KANSL1: variants seen among roughly 807,000 people sequenced by gnomAD.
KANSL1 encodes MLL1/MLL complex subunit KANSL1.
KANSL1 carries 22 observed loss-of-function variants against 103.6 expected under a neutral mutation model. That is an observed-to-expected ratio of 0.21 (90% CI 0.15 to 0.30). KANSL1 has a LOEUF of 0.30. KANSL1 is among the 10% of genes least tolerant of loss of function. The pLI, the probability that KANSL1 is intolerant of heterozygous loss-of-function variation, is 1.00. For synonymous variants in KANSL1, 600 were observed against 527.6 expected, an observed-to-expected ratio of 1.14 and a Z score of -1.88; for missense variants, 1,337 against 1,399.8, an observed-to-expected ratio of 0.96 and a Z score of 0.72.
intron 6 of KANSL1, among the ~76,000 whole-genome samples, chr17:46,060,497 G>A (rs1216273048): frequency 6.6e-6 from 1 of 152,182 alleles, no homozygotes; most frequent in African/African-American, 2.4e-5. Flanking sequence ...TCCAAGCACA[G>A]AGTGATTTCT....
At chr17:46,213,977 C>G (rs1015235697) in intron 1 of KANSL1, among the ~76,000 whole-genome samples, 2 of 152,068 alleles carry the variant, frequency 1.3e-5, no homozygotes, top group Non-Finnish European at 2.9e-5. Flanking sequence ...AATCAATTCC[C>G]TGCCAAATAT....
chr17:46,216,309 T>G (rs1467849537), intron 1 of KANSL1, among the ~76,000 whole-genome samples: 1 of 152,098 alleles, frequency 6.6e-6, no homozygotes, highest in Non-Finnish European at 1.5e-5. Context: ...GAAAAAAGTC[T>G]GCAAAGAAAA....
chr17:46,089,690 T>TA (rs143794916), intron 3 of KANSL1, among the ~76,000 whole-genome samples: 220 of 147,260 alleles, frequency 1.5e-3, no homozygotes, highest in Non-Finnish European at 2.0e-3. Flanking sequence ...TTTCAGTAAC[T>TA]AAAAAAAAAA....
chr17:46,207,127 TAG>T (rs1280345175), intron 1 of KANSL1, among the ~76,000 whole-genome samples: 1 of 152,022 alleles, frequency 6.6e-6, no homozygotes, highest in Non-Finnish European at 1.5e-5. Context: ...AAAAAACAAT[TAG>T]CCAGGCATGG....
intron 1 of KANSL1, among the ~76,000 whole-genome samples, chr17:46,190,569 C>A (rs2047267348): frequency 6.6e-6 from 1 of 152,234 alleles, no homozygotes; most frequent in African/African-American, 2.4e-5. Flanking sequence ...ACTGATCATT[C>A]TTTTAACTGG....
chr17:46,203,092 C>T (rs998662045), intron 1 of KANSL1, among the ~76,000 whole-genome samples: 45 of 152,098 alleles, frequency 3.0e-4, no homozygotes, highest in Admixed American at 7.2e-4. Flanking sequence ...ATTAGCCAGG[C>T]GTGGTGGCAT....
chr17:46,123,184 C>T (rs769714230), intron 2 of KANSL1, among the ~76,000 whole-genome samples: 37 of 152,160 alleles, frequency 2.4e-4, no homozygotes, highest in Non-Finnish European at 3.5e-4. Flanking sequence ...TGAGACCAGC[C>T]TGGCCAACAT....
At chr17:46,046,965 C>T (rs1394878323) in intron 7 of KANSL1, among the ~76,000 whole-genome samples, 2 of 151,762 alleles carry the variant, frequency 1.3e-5, no homozygotes, top group Non-Finnish European at 2.9e-5. Flanking sequence ...AATCCAATGG[C>T]AAGGGAAGGT....
At chr17:46,092,579 C>T (rs9910016) in intron 3 of KANSL1, among the ~76,000 whole-genome samples, 2 of 152,086 alleles carry the variant, frequency 1.3e-5, no homozygotes, top group African/African-American at 4.8e-5. Context: ...AAAATGTTTT[C>T]CAAAAACCAA....
chr17:46,048,484 T>C (rs146486727), intron 7 of KANSL1, among the ~76,000 whole-genome samples: 197 of 152,108 alleles, frequency 1.3e-3, no homozygotes, highest in African/African-American at 4.4e-3. Flanking sequence ...ACAAAACTGC[T>C]TGAACCCAGG....
At chr17:46,129,299 G>A (rs4792831) in intron 2 of KANSL1, among the ~76,000 whole-genome samples, 23,587 of 151,930 alleles carry the variant, frequency 0.16, 2,660 homozygotes, top group East Asian at 0.42. Flanking sequence ...TGTCAAGCAT[G>A]GAAATTAAGC....
At chr17:46,164,951 G>C (rs1033619681) in intron 2 of KANSL1, among the ~76,000 whole-genome samples, 1 of 152,174 alleles carries the variant, frequency 6.6e-6, no homozygotes, top group Non-Finnish European at 1.5e-5. Flanking sequence ...ATAAAGAGTA[G>C]AAAAATGATA....
chr17:46,059,602 G>A (rs1266216649), intron 6 of KANSL1, among the ~76,000 whole-genome samples: 1 of 133,594 alleles, frequency 7.5e-6, no homozygotes, highest in Non-Finnish European at 1.5e-5. Flanking sequence ...CAGCCTGGGT[G>A]ACAGAGCGAG....
chr17:46,118,541 C>T (rs866930851), intron 2 of KANSL1, among the ~76,000 whole-genome samples: 9 of 152,176 alleles, frequency 5.9e-5, no homozygotes, highest in Non-Finnish European at 8.8e-5. Context: ...CCAGAGTTTC[C>T]GACTCAGGAC....
chr17:46,132,946 A>G, intron 2 of KANSL1, among the ~76,000 whole-genome samples: 1 of 152,192 alleles, frequency 6.6e-6, no homozygotes, highest in East Asian at 1.9e-4. Context: ...CGTGTCTCGA[A>G]AAAAACAAAA....
chr17:46,064,190 T>C (rs1472148673), intron 6 of KANSL1, among the ~76,000 whole-genome samples: 1 of 152,098 alleles, frequency 6.6e-6, no homozygotes, highest in African/African-American at 2.4e-5. Context: ...GAAGAAATGG[T>C]ATCGCCTGAC....
intron 3 of KANSL1, chr17:46,092,944 C>A (rs2079467977): frequency 6.6e-6 from 1 of 152,030 alleles, no homozygotes; most frequent in Non-Finnish European, 1.5e-5. Flanking sequence ...ATCTTAAGTT[C>A]TATGAAATGT....
At position 46,101,456 on chromosome 17, in the gene KANSL1, A is replaced by G. The variant is rs542768727; in HGVS notation, c.1290-6755T>C. Among the ~76,000 whole-genome samples the G allele has an allele frequency of 7.9e-5, 12 of 152,352 alleles. 1 individual carries two copies. The South Asian group carries it at 2.5e-3, about 32-fold the overall frequency. ...CCTAAAATGTATGTATTAGATAAGA[A>G]TAACAATTTAGTCAGCTGGGCACGG... On this transcript the variant is annotated intron_variant, in intron 2 of 14. Coordinates refer to ENST00000432791, the MANE Select transcript of KANSL1 (RefSeq NM_015443.4).
At chr17:46,216,373 G>A (rs1217766927) in intron 1 of KANSL1, among the ~76,000 whole-genome samples, 2 of 151,794 alleles carry the variant, frequency 1.3e-5, no homozygotes, top group Non-Finnish European at 2.9e-5. Flanking sequence ...GCCGAGGCAG[G>A]TGGATCACCT....
Sources: gnomAD v4.1 joint callset for allele counts (sites outside exome capture counted in the v4.1 genomes callset) on GRCh38, gnomAD v4.1.1 for gene constraint, MANE v1.5 for transcripts, NCBI Gene and HGNC (gene_info 2026-07-23, HGNC 2026-07-21) for gene names.